Variants in EPHA6 observed in about 807,000 individuals in gnomAD.
The protein encoded by EPHA6 is EPH receptor A6.
A neutral mutation model predicts 112.0 loss-of-function variants in EPHA6; 50 were observed. The ratio of observed to expected loss-of-function variants is 0.45; its 90% CI spans 0.36 to 0.56. The LOEUF is 0.56. Ranked by LOEUF, EPHA6 falls within the 20% of genes least tolerant of loss-of-function variation. The pLI, the probability that EPHA6 is intolerant of heterozygous loss-of-function variation, is 0.00. For synonymous variants in EPHA6, 529 were observed against 490.7 expected (o/e 1.08, Z -1.03); for missense variants, 1,280 against 1,417.4 (o/e 0.90, Z 1.56).
Position 97,068,169 on chromosome 3 carries a change from A to G in EPHA6, c.1114+80176A>G, listed in dbSNP as rs796840422. 4.9e-4 allele frequency among the ~76,000 whole-genome samples: 73 copies of G among 150,360 alleles called. 1 individual carries two copies. In the South Asian group the frequency reaches 6.9e-3, roughly 14 times the overall value. ...GACTCCATCTCAAAAAAAAAAGAAA[A>G]AAAAAAAAAAAAGAGTCAGGGATAA... On this transcript the variant is annotated intron_variant, in intron 3 of 17. Coordinates refer to ENST00000389672, the MANE Select transcript of EPHA6 (RefSeq NM_001080448.3).
intron 4 of EPHA6, among the ~76,000 whole-genome samples, chr3:97,235,627 G>T (rs534927398): frequency 7.6e-4 from 116 of 152,138 alleles, no homozygotes; most frequent in South Asian, 6.0e-3. Flanking sequence ...TTATTAGAAA[G>T]TATTATTTCT....
At chr3:97,154,203 A>G (rs910863096) in intron 3 of EPHA6, among the ~76,000 whole-genome samples, 4 of 151,956 alleles carry the variant, frequency 2.6e-5, no homozygotes, top group Admixed American at 2.0e-4. Flanking sequence ...GATGGAAACT[A>G]TTAGGGCACT....
At chr3:97,003,518 G>C (rs1162890438) in intron 3 of EPHA6, among the ~76,000 whole-genome samples, 2 of 152,096 alleles carry the variant, frequency 1.3e-5, no homozygotes, top group African/African-American at 2.4e-5. Flanking sequence ...AGAGTTTCTT[G>C]TTGCTTTAAA....
intron 5 of EPHA6, among the ~76,000 whole-genome samples, chr3:97,289,826 A>G (rs1009255864): frequency 2.6e-5 from 4 of 151,946 alleles, no homozygotes; most frequent in African/African-American, 9.7e-5. Context: ...GTGAGTATGC[A>G]GCTACTGTAA....
intron 5 of EPHA6, among the ~76,000 whole-genome samples, chr3:97,321,709 T>C (rs1382361902): frequency 1.3e-5 from 2 of 151,932 alleles, no homozygotes; most frequent in Admixed American, 6.6e-5. Flanking sequence ...GGGACTTCTA[T>C]TGAATTGTGA....
At chr3:97,135,673 C>T (rs572007518) in intron 3 of EPHA6, among the ~76,000 whole-genome samples, 1 of 151,678 alleles carries the variant, frequency 6.6e-6, no homozygotes, top group East Asian at 1.9e-4. Context: ...GAACAAGTTT[C>T]CCGGTGATGC....
chr3:97,249,636 C>T (rs1487195791), intron 5 of EPHA6, among the ~76,000 whole-genome samples: 2 of 152,146 alleles, frequency 1.3e-5, no homozygotes, highest in African/African-American at 2.4e-5. Flanking sequence ...GTCACTGTCT[C>T]ACTGGACAAT....
intron 5 of EPHA6, among the ~76,000 whole-genome samples, chr3:97,294,167 G>A (rs151138068): frequency 3.3e-5 from 5 of 152,320 alleles, no homozygotes; most frequent in Admixed American, 2.0e-4. Context: ...GCAGCTGCAC[G>A]TGGGAGCGCA....
chr3:97,294,728 A>G (rs2080814377), intron 5 of EPHA6, among the ~76,000 whole-genome samples: 1 of 152,056 alleles, frequency 6.6e-6, no homozygotes, highest in Non-Finnish European at 1.5e-5. Context: ...GTATTTTTAT[A>G]ATAATATTGT....
chr3:96,975,671 G>C (rs1284433106), intron 2 of EPHA6, among the ~76,000 whole-genome samples: 1 of 152,082 alleles, frequency 6.6e-6, no homozygotes, highest in Middle Eastern at 3.2e-3. Flanking sequence ...AATCATTCTT[G>C]CTTAACCAAA....
chr3:97,187,603 GAGAA>G (rs569055994), intron 3 of EPHA6, among the ~76,000 whole-genome samples: 13 of 114,764 alleles, frequency 1.1e-4, no homozygotes, highest in South Asian at 2.9e-4. Flanking sequence ...AAAAAGAAAA[GAGAA>G]AGAAAGAAAA....
At chr3:97,410,892 T>C (rs1248552014) in intron 6 of EPHA6, among the ~76,000 whole-genome samples, 1 of 152,090 alleles carries the variant, frequency 6.6e-6, no homozygotes, top group African/African-American at 2.4e-5. Context: ...TCTCTATAAC[T>C]GGCTAGCATC....
chr3:97,666,527 A>G (rs2030128588), intron 14 of EPHA6, among the ~76,000 whole-genome samples: 1 of 152,154 alleles, frequency 6.6e-6, no homozygotes, highest in Non-Finnish European at 1.5e-5. Flanking sequence ...TAGTAGAAGC[A>G]TCACCTCTAT....
Position 97,440,060 on chromosome 3 carries a change from C to G in EPHA6, c.1732-8508C>G, listed in dbSNP as rs368102654. On this transcript the variant is annotated intron_variant, in intron 6 of 17. Coordinates refer to ENST00000389672, the MANE Select transcript of EPHA6 (RefSeq NM_001080448.3). The stretch of plus-strand genomic sequence containing the variant: ...TTTTGTTTTTTGAGGGAAATGTAAA[C>G]TACATTTTTCAGGAAATTGCAGCCC... 1.4e-4 allele frequency among the ~76,000 whole-genome samples: 21 copies of G among 152,054 alleles called. No individual in the cohort carries two copies. In the East Asian group the frequency reaches 4.1e-3, roughly 29 times the overall value.
intron 5 of EPHA6, among the ~76,000 whole-genome samples, chr3:97,264,299 C>T (rs534183415): frequency 3.1e-4 from 47 of 152,326 alleles, no homozygotes; most frequent in African/African-American, 1.1e-3. Flanking sequence ...TGGCAAGAAG[C>T]GTGTGTGTGA....
chr3:97,329,383 A>T (rs1268942420), intron 5 of EPHA6, among the ~76,000 whole-genome samples: 1 of 151,098 alleles, frequency 6.6e-6, no homozygotes, highest in Non-Finnish European at 1.5e-5. Context: ...ATCCCTGAGG[A>T]ATCGCCACAC....
chr3:96,885,556 G>A (rs2037574094), intron 2 of EPHA6, among the ~76,000 whole-genome samples: 1 of 151,872 alleles, frequency 6.6e-6, no homozygotes, highest in South Asian at 2.1e-4. Context: ...GTATTTCTGT[G>A]GTGTCAGTTG....
At chr3:97,182,195 C>T (rs1006006740) in intron 3 of EPHA6, among the ~76,000 whole-genome samples, 2 of 151,836 alleles carry the variant, frequency 1.3e-5, no homozygotes, top group African/African-American at 4.8e-5. Flanking sequence ...TTTCCTATAA[C>T]TAAAATGATA....
intron 6 of EPHA6, among the ~76,000 whole-genome samples, chr3:97,423,890 A>C (rs1027691241): frequency 6.6e-6 from 1 of 152,170 alleles, no homozygotes; most frequent in African/African-American, 2.4e-5. Context: ...CAACAAAAAC[A>C]AGTGATGGGG....
Sources: allele counts gnomAD v4.1 joint callset (sites outside exome capture counted in the v4.1 genomes callset), GRCh38; gene constraint gnomAD v4.1.1; transcripts MANE v1.5; gene names NCBI Gene and HGNC (gene_info 2026-07-23, HGNC 2026-07-21).